Variants in METTL8 observed in about 807,000 individuals in gnomAD.
The protein encoded by METTL8 is tRNA N(3)-cytidine methyltransferase METTL8, mitochondrial.
A neutral mutation model predicts 48.7 loss-of-function variants in METTL8; 32 were observed. The observed-to-expected ratio is 0.66, with a 90% confidence interval of 0.50 to 0.88. METTL8 has a LOEUF of 0.88. METTL8 is among the 40% of genes least tolerant of loss of function. The pLI is 0.00. For missense variants in METTL8, 464 were observed against 474.4 expected (o/e 0.98, Z 0.20); for synonymous variants, 136 against 157.1 (o/e 0.87, Z 1.01).
intron 2 of METTL8, among the ~76,000 whole-genome samples, chr2:171,370,359 T>C (rs1402208923): frequency 6.6e-6 from 1 of 152,240 alleles, no homozygotes; most frequent in Admixed American, 6.5e-5. Flanking sequence ...ATGTACATTG[T>C]TCATTTATCA....
At chr2:171,410,823 T>C (rs1360286043) in intron 1 of METTL8, among the ~76,000 whole-genome samples, 1 of 152,218 alleles carries the variant, frequency 6.6e-6, no homozygotes, top group Non-Finnish European at 1.5e-5. Flanking sequence ...GGTATGTTAT[T>C]TCCTTGAACA....
intron 5 of METTL8, among the ~76,000 whole-genome samples, chr2:171,336,567 A>G (rs1686136891): frequency 6.6e-6 from 1 of 151,730 alleles, no homozygotes; most frequent in Non-Finnish European, 1.5e-5. Context: ...ACGCCTGGCT[A>G]ATTTTTTGTA....
intron 1 of METTL8, among the ~76,000 whole-genome samples, chr2:171,399,038 C>T (rs1322777546): frequency 2.6e-5 from 4 of 152,036 alleles, no homozygotes; most frequent in Non-Finnish European, 5.9e-5. Context: ...AAATTAATGT[C>T]ACATCAAAGG....
chr2:171,357,429 C>G (rs1480854442), intron 3 of METTL8, among the ~76,000 whole-genome samples: 2 of 152,006 alleles, frequency 1.3e-5, no homozygotes, highest in Non-Finnish European at 2.9e-5. Flanking sequence ...AATCCCATTT[C>G]CAATAGCTAC....
At chr2:171,418,450 T>A (rs11686298) in intron 1 of METTL8, among the ~76,000 whole-genome samples, 4,732 of 152,214 alleles carry the variant, frequency 0.031, 109 homozygotes, top group South Asian at 0.081. Flanking sequence ...GCACTTAGGC[T>A]CTACCTCCTT....
intron 2 of METTL8, among the ~76,000 whole-genome samples, chr2:171,391,496 T>C (rs900813685): frequency 1.3e-5 from 2 of 152,250 alleles, no homozygotes; most frequent in African/African-American, 4.8e-5. Flanking sequence ...TGTTCTCATA[T>C]GGCATATAGT....
chr2:171,384,706 C>T (rs1186343574), intron 2 of METTL8, among the ~76,000 whole-genome samples: 1 of 151,430 alleles, frequency 6.6e-6, no homozygotes, highest in African/African-American at 2.4e-5. Context: ...GTAGCACACA[C>T]CTGTAATCTC....
At chr2:171,403,988 C>T (rs922701351) in intron 1 of METTL8, among the ~76,000 whole-genome samples, 5 of 141,928 alleles carry the variant, frequency 3.5e-5, no homozygotes, top group Non-Finnish European at 7.6e-5. Flanking sequence ...GGATAGGTTC[C>T]AAGATCCCTA....
At position 171,339,179 on chromosome 2, in the gene METTL8, A is replaced by C. The variant is rs756277526; in HGVS notation, c.606+5T>G. 3 of 1,476,748 alleles carry C rather than the reference A, an allele frequency of 2.0e-6. No homozygotes were observed. Among genetic ancestry groups the C allele is most frequent in the Non-Finnish European group, 2.7e-6 (3 of 1,108,170 alleles). The allele number at this position is 1,476,748 out of a possible 1,614,324, so 91.5% of individuals were successfully genotyped here. On this transcript the variant is annotated splice_donor_5th_base_variant and intron_variant, in intron 4 of 9. Coordinates refer to ENST00000375258, the MANE Select transcript of METTL8 (RefSeq NM_001321154.2). Reference sequence around the variant, plus strand: ...CCTCCCATTTTTGTCCCTTGAGCACAATACCTCTAGTATCCTGAAAGTGGC... The same window carrying C: ...CCTCCCATTTTTGTCCCTTGAGCACCATACCTCTAGTATCCTGAAAGTGGC...
At chr2:171,372,630 C>T (rs1431219555) in intron 2 of METTL8, among the ~76,000 whole-genome samples, 1 of 152,064 alleles carries the variant, frequency 6.6e-6, no homozygotes, top group African/African-American at 2.4e-5. Context: ...CTATCCCTCC[C>T]CACTCCCCAC....
At chr2:171,375,310 T>C in intron 2 of METTL8, 2 of 767,256 alleles carry the variant, frequency 2.6e-6, no homozygotes, top group South Asian at 2.8e-5. Context: ...TATATGTTTA[T>C]CTTTTAAAGA....
intron 9 of METTL8, among the ~76,000 whole-genome samples, chr2:171,325,005 C>T (rs544379921): frequency 7.6e-5 from 10 of 131,982 alleles, no homozygotes; most frequent in Middle Eastern, 3.5e-3. Flanking sequence ...GGCTGTAATC[C>T]CAGCTACTTG....
At chr2:171,324,583 C>T (rs1255678940) in intron 9 of METTL8, among the ~76,000 whole-genome samples, 9 of 152,282 alleles carry the variant, frequency 5.9e-5, no homozygotes, top group East Asian at 3.9e-4. Context: ...CAGACTAACA[C>T]GGCAGACATC....
intron 7 of METTL8, 112 bp downstream of exon 7, chr2:171,330,447 T>A (rs906044876): frequency 1.1e-5 from 11 of 1,000,266 alleles, no homozygotes; most frequent in Non-Finnish European, 1.6e-5. Flanking sequence ...ATACATAATG[T>A]TGCTCACTAA....
At chr2:171,348,602 C>T (rs1224102524) in intron 3 of METTL8, among the ~76,000 whole-genome samples, 2 of 151,940 alleles carry the variant, frequency 1.3e-5, no homozygotes, top group Non-Finnish European at 2.9e-5. Flanking sequence ...TCTTATGGGC[C>T]ACTATTTGTG....
chr2:171,356,438 C>T (rs952985253), intron 3 of METTL8, among the ~76,000 whole-genome samples: 9 of 152,184 alleles, frequency 5.9e-5, no homozygotes, highest in South Asian at 2.1e-4. Context: ...CTTGTCCGGC[C>T]TCTTCTAGCT....
At chr2:171,418,135 G>A (rs1691503310) in intron 1 of METTL8, among the ~76,000 whole-genome samples, 1 of 152,058 alleles carries the variant, frequency 6.6e-6, no homozygotes, top group Admixed American at 6.6e-5. Flanking sequence ...AGTAGAGATG[G>A]GGTGTCACTG....
chr2:171,392,334 C>T (rs1385861979), intron 1 of METTL8, 137 bp from the exon 2 acceptor site: 1 of 639,070 alleles, frequency 1.6e-6, no homozygotes, highest in Non-Finnish European at 2.6e-6. Flanking sequence ...GAAAGATGAG[C>T]ATAACAGCTT....
At chr2:171,364,298 G>A (rs777683670) in intron 2 of METTL8, among the ~76,000 whole-genome samples, 1 of 151,910 alleles carries the variant, frequency 6.6e-6, no homozygotes, top group Non-Finnish European at 1.5e-5. Flanking sequence ...TGTAAAACCT[G>A]TACTCTATGT....
Sources: allele counts gnomAD v4.1 joint callset (sites outside exome capture counted in the v4.1 genomes callset), GRCh38; gene constraint gnomAD v4.1.1; transcripts MANE v1.5; gene names NCBI Gene and HGNC (gene_info 2026-07-23, HGNC 2026-07-21).